The following UBAP1L variants were observed in gnomAD, a reference collection of about 807,000 sequenced individuals.
UBAP1L encodes the protein ubiquitin associated protein 1 like, also known as ubiquitin-associated protein 1-like.
UBAP1L carries 32 observed loss-of-function variants against 32.1 expected under a neutral mutation model. That is an observed-to-expected ratio of 1.00 (90% CI 0.75 to 1.34). The LOEUF (loss-of-function observed/expected upper bound fraction) is 1.34, where lower values mean the gene tolerates loss of function less well. Among genes scored for constraint, UBAP1L ranks in the 40% most tolerant of loss-of-function variants. The pLI, the probability that UBAP1L is intolerant of heterozygous loss-of-function variation, is 0.00. For missense variants in UBAP1L, 516 were observed against 540.5 expected (o/e 0.95, Z 0.45); for synonymous variants, 243 against 250.2 (o/e 0.97, Z 0.27).
In UBAP1L at chr15:65,106,325, T is replaced by A; in HGVS notation, c.-110A>T. On this transcript the variant is annotated 5_prime_UTR_variant, in exon 2 of 6. Coordinates refer to ENST00000559089, the MANE Select transcript of UBAP1L (RefSeq NM_001163692.2). ...CTCAGGCCTCAAATGGCCTCACTGCTCTCCTGTGTGGTCACTTAGCTGAGC... is the reference window on the plus strand; with the variant it reads ...CTCAGGCCTCAAATGGCCTCACTGCACTCCTGTGTGGTCACTTAGCTGAGC... 2 of 1,300,450 alleles carry A rather than the reference T, an allele frequency of 1.5e-6. No individual in the cohort carries two copies. The allele number at this position is 1,300,450 out of a possible 1,614,324, so 80.6% of individuals were successfully genotyped here.
At position 65,094,268 on chromosome 15, in the gene UBAP1L, C is replaced by G. The variant is rs1299199928; in HGVS notation, c.1011+207G>C. ...TGTCCCCGTCCCACCTCTTCCTGAT[C>G]TCCCTCTGTGCCTCTCACCTTTGTC... On this transcript the variant is annotated intron_variant, in intron 5 of 5. Coordinates refer to ENST00000559089, the MANE Select transcript of UBAP1L (RefSeq NM_001163692.2). The surrounding 1 kb of genome is among the most constrained non-coding windows in gnomAD (Gnocchi z 4.2). Among the ~76,000 whole-genome samples, 2 of 152,186 alleles carry G rather than the reference C, an allele frequency of 1.3e-5. No homozygotes were observed. Among genetic ancestry groups the G allele is most frequent in the Non-Finnish European group, 2.9e-5 (2 of 68,026 alleles).
chr15:65,113,303 T>G (rs1355348614), intron 1 of UBAP1L, among the ~76,000 whole-genome samples: 1 of 152,230 alleles, frequency 6.6e-6, no homozygotes, highest in East Asian at 1.9e-4. Flanking sequence ...TCTGAAGGCT[T>G]GCAGTGTCTG....
At chr15:65,108,752 C>CAAAT (rs10639874) in intron 1 of UBAP1L, among the ~76,000 whole-genome samples, 108,966 of 146,184 alleles carry the variant, frequency 0.75, 41,447 homozygotes, top group East Asian at 0.96. Flanking sequence ...GACACTGTCT[C>CAAAT]AAATAAATAA....
intron 4 of UBAP1L, chr15:65,096,102 T>C (rs1275462812): frequency 6.6e-6 from 1 of 152,196 alleles, no homozygotes; most frequent in Non-Finnish European, 1.5e-5. Flanking sequence ...TTAGCTGTCT[T>C]GGTGGATGAC....
At position 65,094,412 on chromosome 15, in the gene UBAP1L, G is replaced by T; in HGVS notation, c.1011+63C>A. 1.6e-6 allele frequency: 2 copies of T among 1,240,860 alleles called. No individual in the cohort carries two copies. The highest frequency in any genetic ancestry group is 2.2e-5 in the Admixed American group (1 of 46,032). 76.9% of individuals were successfully genotyped at this position (1,240,860 alleles called of 1,614,324 possible). A position where few individuals can be genotyped will look rare whatever the true frequency, so the allele number is the denominator to read the frequency against. ...GAGGACTGGTGTGGCCCTGCACACC[G>T]GGCTCCTGGGTACACCCCCATCCCT... On this transcript the variant is annotated intron_variant, in intron 5 of 5. Transcript: ENST00000559089. This position sits in a 1 kb window ranked among gnomAD's most constrained non-coding sequence, Gnocchi z 4.2.
Position 65,099,731 on chromosome 15 carries a change from C to T in UBAP1L, c.700-17G>A. 6.5e-7 allele frequency: 1 copy of T among 1,533,050 alleles called. No individual in the cohort carries two copies. The highest frequency in any genetic ancestry group is 8.8e-7 in the Non-Finnish European group (1 of 1,134,948). The allele number at this position is 1,533,050 out of a possible 1,614,324, so 95.0% of individuals were successfully genotyped here. On this transcript the variant is annotated splice_polypyrimidine_tract_variant and intron_variant, in intron 3 of 5. Transcript: ENST00000559089. ...GCTGAGGGACTGAAATACAGACAGA[C>T]TGGACATGTCAGTTACTACAGGAAG... is the stretch of plus-strand genomic sequence containing the variant.
chr15:65,096,825 ATCT>A (rs1321580319), intron 4 of UBAP1L: 1 of 152,340 alleles, frequency 6.6e-6, no homozygotes, highest in Non-Finnish European at 1.5e-5. Context: ...TTTCTTTTGT[ATCT>A]TCTTCTCTCC....
chr15:65,093,525 G>T (rs191163235), intron 5 of UBAP1L, among the ~76,000 whole-genome samples: 8 of 152,318 alleles, frequency 5.3e-5, no homozygotes, highest in Admixed American at 2.6e-4. Context: ...GGGGCAGGAG[G>T]GGGGCAGACC....
At chr15:65,108,275 A>G (rs1007059085) in intron 1 of UBAP1L, among the ~76,000 whole-genome samples, 2 of 151,948 alleles carry the variant, frequency 1.3e-5, no homozygotes. Context: ...TTTGATATCC[A>G]TCTGGGGAAA....
In UBAP1L at chr15:65,106,040, T is replaced by C. The variant is rs1475378434; in HGVS notation, c.120+56A>G. ...TTTAAATTCAAGGAACAAGGCCCCA[T>C]GGACTCAGCCCCAGACCCACAGACC... is the stretch of plus-strand genomic sequence containing the variant. On this transcript the variant is annotated intron_variant, in intron 2 of 5. Transcript: ENST00000559089. 9.1e-6 allele frequency: 14 copies of C among 1,543,398 alleles called. No individual in the cohort carries two copies. The African/African-American group carries it at 9.7e-5, about 11-fold the overall frequency.
intron 2 of UBAP1L, among the ~76,000 whole-genome samples, chr15:65,104,301 C>T (rs111513349): frequency 3.0e-3 from 406 of 136,904 alleles, no homozygotes; most frequent in Admixed American, 5.5e-3. Context: ...AGAGAGAGAG[C>T]GAGACAGAGA....
rs557745699 is a variant in UBAP1L, at chr15:65,103,664, C to G, written c.121-980G>C. 2.6e-5 allele frequency among the ~76,000 whole-genome samples: 4 copies of G among 152,278 alleles called. No individual in the cohort carries two copies. The East Asian group carries it at 7.7e-4, about 29-fold the overall frequency. On this transcript the variant is annotated intron_variant, in intron 2 of 5. Coordinates refer to ENST00000559089, the MANE Select transcript of UBAP1L (RefSeq NM_001163692.2). ...GGGAGAGGAGCATAAGTTAGCTGCTCCAGTGTGACTCCCTGAGTTCCTCTC... is the reference window on the plus strand; with the variant it reads ...GGGAGAGGAGCATAAGTTAGCTGCTGCAGTGTGACTCCCTGAGTTCCTCTC...
chr15:65,109,653 G>T (rs2087355211), intron 1 of UBAP1L, among the ~76,000 whole-genome samples: 1 of 151,848 alleles, frequency 6.6e-6, no homozygotes, highest in Non-Finnish European at 1.5e-5. Flanking sequence ...ATAAGAAATG[G>T]GCAAGAGACT....
At position 65,105,588 on chromosome 15, in the gene UBAP1L, G is replaced by A. The variant is rs1010451958; in HGVS notation, c.120+508C>T. On this transcript the variant is annotated intron_variant, in intron 2 of 5. Coordinates refer to ENST00000559089, the MANE Select transcript of UBAP1L (RefSeq NM_001163692.2). Reference sequence around the variant, plus strand: ...CCCCATAAAATCATGCAAATCAAGAGGTTCAAATTTTCGTGTTCACTTTAA... The same window carrying A: ...CCCCATAAAATCATGCAAATCAAGAAGTTCAAATTTTCGTGTTCACTTTAA... 22 of 602,330 alleles carry A rather than the reference G, an allele frequency of 3.7e-5. No individual in the cohort carries two copies. The East Asian group carries it at 7.6e-4, about 21-fold the overall frequency. The allele number at this position is 602,330 out of a possible 1,614,324, so 37.3% of individuals were successfully genotyped here.
intron 3 of UBAP1L, chr15:65,099,925 C>T (rs539791947): frequency 2.7e-5 from 13 of 488,434 alleles, no homozygotes; most frequent in South Asian, 1.3e-4. Flanking sequence ...AGCTACTTCA[C>T]GGGACTATCA....
rs944280406 is a variant in UBAP1L at position 65,092,939 on chromosome 15, T to C, written c.*158A>G. 3 of 1,043,456 alleles carry C rather than the reference T, an allele frequency of 2.9e-6. No homozygotes were observed. In the African/African-American group the frequency reaches 4.9e-5, roughly 17 times the overall value. 64.6% of individuals were successfully genotyped at this position (1,043,456 alleles called of 1,614,324 possible). A position where few individuals can be genotyped will look rare whatever the true frequency, so the allele number is the denominator to read the frequency against. On this transcript the variant is annotated 3_prime_UTR_variant, in exon 6 of 6. Coordinates refer to ENST00000559089, the MANE Select transcript of UBAP1L (RefSeq NM_001163692.2). ...AACTATTTCAACTCTTTCAGCAGAT[T>C]CTGCTGCTGTTAACTGTCACCCTTG...
chr15:65,102,316 G>A lies in UBAP1L; in HGVS notation c.489C>T (p.Ser163=). The A allele has an allele frequency of 2.8e-6, 4 of 1,439,062 alleles. No individual in the cohort carries two copies. The highest frequency in any genetic ancestry group is 2.7e-5 in the South Asian group (2 of 73,952). 89.1% of individuals were successfully genotyped at this position (1,439,062 alleles called of 1,614,324 possible). A position where few individuals can be genotyped will look rare whatever the true frequency, so the allele number is the denominator to read the frequency against. The change falls in exon 3 of 6, where the codon TCC becomes TCT. Residue 163 remains serine, a synonymous_variant. Transcript: ENST00000559089. The surrounding 1 kb of genome is among the most constrained non-coding windows in gnomAD (Gnocchi z 5.0). ...LELAGARRRL[S]EGKLVSRPRA... Reference sequence around the variant, plus strand: ...GGGGCCGGGAGACCAGCTTCCCCTCGGAGAGCCGCCGCCGCGCCCCTGCCA... The same window carrying A: ...GGGGCCGGGAGACCAGCTTCCCCTCAGAGAGCCGCCGCCGCGCCCCTGCCA...
chr15:65,099,223 C>G (rs2087210991), intron 4 of UBAP1L: 1 of 410,670 alleles, frequency 2.4e-6, no homozygotes, highest in South Asian at 3.2e-5. Flanking sequence ...CTGGGAGACA[C>G]TCTTCAGTTG....
chr15:65,102,695 A>G lies in UBAP1L; in HGVS notation c.121-11T>C. On this transcript the variant is annotated splice_polypyrimidine_tract_variant and intron_variant, in intron 2 of 5. Coordinates refer to ENST00000559089, the MANE Select transcript of UBAP1L (RefSeq NM_001163692.2). This position sits in a 1 kb window ranked among gnomAD's most constrained non-coding sequence, Gnocchi z 5.0. Reference sequence around the variant, plus strand: ...CAGGCTGAAGTCGTGCTGCGGAAAGAAGGCGACGTAAAGCCCAGGGCAAAC... The same window carrying G: ...CAGGCTGAAGTCGTGCTGCGGAAAGGAGGCGACGTAAAGCCCAGGGCAAAC... 1.9e-6 allele frequency: 3 copies of G among 1,543,792 alleles called. No homozygotes were observed. The highest frequency in any genetic ancestry group is 2.6e-6 in the Non-Finnish European group (3 of 1,146,282).
Sources: gnomAD v4.1 joint callset for allele counts (sites outside exome capture counted in the v4.1 genomes callset) on GRCh38, gnomAD v4.1.1 for gene constraint, Gnocchi (gnomAD v3.1) non-coding constraint, MANE v1.5 for transcripts, NCBI Gene and HGNC (gene_info 2026-07-23, HGNC 2026-07-21) for gene names.